GPR63: variants seen among roughly 807,000 people sequenced by gnomAD.
GPR63 encodes probable G protein-coupled receptor 63.
A neutral mutation model predicts 23.1 loss-of-function variants in GPR63; 12 were observed. The ratio of observed to expected loss-of-function variants is 0.52; its 90% confidence interval spans 0.33 to 0.84. The LOEUF is 0.84. Among genes scored for constraint, GPR63 ranks in the 40% least tolerant of loss-of-function variants. The pLI, the probability that GPR63 is intolerant of heterozygous loss-of-function variation, is 0.02. For synonymous variants in GPR63, 172 were observed against 191.1 expected (o/e 0.90, Z 0.82); for missense variants, 472 against 515.6 (o/e 0.92, Z 0.82).
rs1469356651 is a variant in GPR63, at chr6:96,826,170, A to G, written c.-151+11098T>C. Among the ~76,000 whole-genome samples the G allele has an allele frequency of 2.6e-5, 4 of 152,220 alleles. No individual in the cohort carries two copies. In the South Asian group the frequency reaches 6.2e-4, roughly 24 times the overall value. ...GAGAATATAAATAAGGAATCTGTGA[A>G]CCATGGGTGGCTTTTTAACTTTACC... On this transcript the variant is annotated intron_variant, in intron 1 of 1. Coordinates refer to ENST00000229955, the MANE Select transcript of GPR63 (RefSeq NM_030784.4).
chr6:96,799,981 T>C (rs998500660), intron 1 of GPR63, 100 bp from the exon 2 acceptor site: 3 of 515,416 alleles, frequency 5.8e-6, no homozygotes, highest in Non-Finnish European at 1.1e-5. Flanking sequence ...TCAGTTTTGC[T>C]CTTTTTGACC....
intron 1 of GPR63, among the ~76,000 whole-genome samples, chr6:96,806,510 G>A (rs1057143458): frequency 2.6e-5 from 4 of 152,300 alleles, no homozygotes; most frequent in East Asian, 3.9e-4. Context: ...CCACTGAGCC[G>A]AAAGATTTAC....
chr6:96,820,415 A>T (rs908561743), intron 1 of GPR63, among the ~76,000 whole-genome samples: 1 of 152,170 alleles, frequency 6.6e-6, no homozygotes, highest in East Asian at 1.9e-4. Context: ...TGAAAATAGG[A>T]TTTTGTTATC....
chr6:96,824,755 G>A lies in GPR63; in HGVS notation c.-151+12513C>T, dbSNP rs12191914. 3.2e-3 allele frequency among the ~76,000 whole-genome samples: 485 copies of A among 152,200 alleles called. 3 individuals carry two copies. Among genetic ancestry groups the A allele is most frequent in the Middle Eastern group, 6.8e-3 (2 of 294 alleles). ...AGAAAGGGTCCAGTGGGAGGTTGTGGTGTTTGGTTGTTACTGGGTTTCCCA... is the reference window on the plus strand; with the variant it reads ...AGAAAGGGTCCAGTGGGAGGTTGTGATGTTTGGTTGTTACTGGGTTTCCCA... On this transcript the variant is annotated intron_variant, in intron 1 of 1. Coordinates refer to ENST00000229955, the MANE Select transcript of GPR63 (RefSeq NM_030784.4).
intron 1 of GPR63, among the ~76,000 whole-genome samples, chr6:96,811,663 T>A (rs1774047130): frequency 2.0e-5 from 3 of 152,170 alleles, no homozygotes; most frequent in African/African-American, 7.2e-5. Context: ...CATATAAATT[T>A]ATATTCCTTC....
chr6:96,812,639 A>T (rs901138649), intron 1 of GPR63, among the ~76,000 whole-genome samples: 2 of 152,158 alleles, frequency 1.3e-5, no homozygotes, highest in Non-Finnish European at 2.9e-5. Context: ...AAAAGAAGTG[A>T]TAAGTCCTAT....
chr6:96,833,749 T>A (rs1016477225), intron 1 of GPR63, among the ~76,000 whole-genome samples: 2 of 152,208 alleles, frequency 1.3e-5, no homozygotes, highest in Non-Finnish European at 2.9e-5. Context: ...GAAAATGATG[T>A]TAAGAATTTG....
intron 1 of GPR63, among the ~76,000 whole-genome samples, chr6:96,813,152 C>A (rs1003260998): frequency 2.0e-5 from 3 of 152,108 alleles, no homozygotes; most frequent in Non-Finnish European, 4.4e-5. Flanking sequence ...CCAGTTCCAT[C>A]CATATTGCTG....
At position 96,807,300 on chromosome 6, in the gene GPR63, A is replaced by G. The variant is rs75692527; in HGVS notation, c.-150-7419T>C. ...AGAGATTATACATGTGCTCAGCAAC[A>G]TGGACTTCCACTCACCCAGATCAAT... On this transcript the variant is annotated intron_variant, in intron 1 of 1. Transcript: ENST00000229955. Among the ~76,000 whole-genome samples the G allele has an allele frequency of 1.8e-3, 277 of 152,296 alleles. 1 individual carries two copies. The highest frequency in any genetic ancestry group is 6.3e-3 in the African/African-American group (262 of 41,584).
In GPR63 at chr6:96,797,942, A is replaced by T. The variant is rs9320306; in HGVS notation, c.*530T>A. 12,224 of 152,660 alleles carry T rather than the reference A, an allele frequency of 0.08. 842 individuals are homozygous for T. Among genetic ancestry groups the T allele is most frequent in the African/African-American group, 0.19 (7,811 of 41,528 alleles). The allele number at this position is 152,660 out of a possible 1,614,324, so 9.5% of individuals were successfully genotyped here. A position where few individuals can be genotyped will look rare whatever the true frequency, so the allele number is the denominator to read the frequency against. The stretch of plus-strand genomic sequence containing the variant: ...ATAAGACTGAATTAATTTGTACATT[A>T]TCTCTTAAAGTGCACCAAAGTAAAT... On this transcript the variant is annotated 3_prime_UTR_variant, in exon 2 of 2. Coordinates refer to ENST00000229955, the MANE Select transcript of GPR63 (RefSeq NM_030784.4).
rs1773717695 is a variant in GPR63, at chr6:96,799,869, A to G, written c.-138T>C. On this transcript the variant is annotated 5_prime_UTR_variant, in exon 2 of 2. Transcript: ENST00000229955. ...TGGACAATGAGTTCCATCTTCCACAAGAGTCCTTTTGCCTGAAAATAAAAC... is the reference window on the plus strand; with the variant it reads ...TGGACAATGAGTTCCATCTTCCACAGGAGTCCTTTTGCCTGAAAATAAAAC... 1.2e-6 allele frequency: 1 copy of G among 828,340 alleles called. No individual in the cohort carries two copies. Among genetic ancestry groups the G allele is most frequent in the Non-Finnish European group, 2.0e-6 (1 of 510,274 alleles). 51.3% of individuals were successfully genotyped at this position (828,340 alleles called of 1,614,324 possible). A position where few individuals can be genotyped will look rare whatever the true frequency, so the allele number is the denominator to read the frequency against.
chr6:96,824,705 T>C (rs1263007253), intron 1 of GPR63, among the ~76,000 whole-genome samples: 1 of 151,250 alleles, frequency 6.6e-6, no homozygotes, highest in East Asian at 1.9e-4. Flanking sequence ...GAACAATTTA[T>C]CATCATGCAC....
chr6:96,807,676 T>C (rs1168675797), intron 1 of GPR63, among the ~76,000 whole-genome samples: 1 of 152,164 alleles, frequency 6.6e-6, no homozygotes, highest in African/African-American at 2.4e-5. Context: ...ACAAAACTCT[T>C]AAAATTTTGT....
chr6:96,806,662 C>T (rs1773905060), intron 1 of GPR63, among the ~76,000 whole-genome samples: 1 of 152,134 alleles, frequency 6.6e-6, no homozygotes, highest in African/African-American at 2.4e-5. Context: ...GTCTGACTTT[C>T]TGAAGCCATA....
At chr6:96,828,418 G>A (rs1207309652) in intron 1 of GPR63, among the ~76,000 whole-genome samples, 1 of 151,958 alleles carries the variant, frequency 6.6e-6, no homozygotes, top group African/African-American at 2.4e-5. Context: ...TATGAATTTT[G>A]GGGGATACAA....
At chr6:96,822,774 T>G (rs917952815) in intron 1 of GPR63, among the ~76,000 whole-genome samples, 1 of 152,182 alleles carries the variant, frequency 6.6e-6, no homozygotes, top group Non-Finnish European at 1.5e-5. Flanking sequence ...ACTAAATACA[T>G]GGTAACTACT....
intron 1 of GPR63, among the ~76,000 whole-genome samples, chr6:96,815,659 G>T (rs1774145915): frequency 6.6e-6 from 1 of 152,188 alleles, no homozygotes; most frequent in African/African-American, 2.4e-5. Flanking sequence ...CTGTGGTGAA[G>T]ATATCGCAGG....
Position 96,798,903 on chromosome 6 carries a change from GGATCCTC to G in GPR63, c.822_828del (p.Leu274PhefsTer19). ...AGGCATATACCTTCAGGGTAGCTATGGATCCTCAAGGCATTGTGCCGAAGGGTGTTGA... is the reference window on the plus strand; with the variant it reads ...AGGCATATACCTTCAGGGTAGCTATGAAGGCATTGTGCCGAAGGGTGTTGA... On this transcript the variant is annotated frameshift_variant, in exon 2 of 2. Coordinates refer to ENST00000229955, the MANE Select transcript of GPR63 (RefSeq NM_030784.4). LOFTEE classifies it high-confidence loss of function. The G allele has an allele frequency of 6.2e-7, 1 of 1,614,186 alleles. No individual in the cohort carries two copies. Among genetic ancestry groups the G allele is most frequent in the Non-Finnish European group, 8.5e-7 (1 of 1,180,042 alleles).
rs925528185 is a variant in GPR63 at position 96,800,987 on chromosome 6, G to A, written c.-150-1106C>T. Among the ~76,000 whole-genome samples, 19 of 152,132 alleles carry A rather than the reference G, an allele frequency of 1.2e-4. 1 individual carries two copies. The highest frequency in any genetic ancestry group is 2.9e-5 in the Non-Finnish European group (2 of 68,022). ...GATTTCTGTAACTCCAGAGTTTTCT[G>A]TAAGGGACTTTCTTTATCTGCTGTC... On this transcript the variant is annotated intron_variant, in intron 1 of 1. Coordinates refer to ENST00000229955, the MANE Select transcript of GPR63 (RefSeq NM_030784.4).
Sources: gnomAD v4.1 joint callset for allele counts (sites outside exome capture counted in the v4.1 genomes callset) on GRCh38, gnomAD v4.1.1 for gene constraint, MANE v1.5 for transcripts, NCBI Gene and HGNC (gene_info 2026-07-23, HGNC 2026-07-21) for gene names.